The following APBB2 variants were observed in gnomAD, a reference collection of about 807,000 sequenced individuals.
The protein encoded by APBB2 is amyloid beta precursor protein binding family B member 2.
Under a neutral mutation model 82.5 loss-of-function variants are expected in APBB2, and 38 were observed. The observed-to-expected ratio is 0.46, with a 90% confidence interval of 0.36 to 0.60. The LOEUF is 0.60. APBB2 is among the 20% of genes least tolerant of loss of function. The probability of loss-of-function intolerance (pLI) is 0.00; values close to 1 mark genes in which losing one functional copy is unlikely to be tolerated. For synonymous variants in APBB2, 341 were observed against 368.2 expected (o/e 0.93, Z 0.85); for missense variants, 772 against 972.3 (o/e 0.79, Z 2.74).
At chr4:40,880,407 GTGTA>G in intron 12 of APBB2, 1 of 985,438 alleles carries the variant, frequency 1.0e-6, no homozygotes, top group Non-Finnish European at 1.2e-6. Flanking sequence ...GTGACAACTC[GTGTA>G]TGAAAAGTGG....
chr4:40,950,337 G>A (rs971963438), intron 6 of APBB2, among the ~76,000 whole-genome samples: 2 of 152,092 alleles, frequency 1.3e-5, no homozygotes, highest in East Asian at 1.9e-4. Context: ...TTCCACACTC[G>A]GTATGTGCAC....
chr4:40,901,862 G>A (rs950638111), intron 10 of APBB2, among the ~76,000 whole-genome samples: 2 of 151,542 alleles, frequency 1.3e-5, no homozygotes, highest in African/African-American at 4.9e-5. Context: ...GAGATCCATG[G>A]ATGAGCTTCA....
chr4:41,000,997 G>T (rs1805066824), intron 6 of APBB2, among the ~76,000 whole-genome samples: 1 of 152,224 alleles, frequency 6.6e-6, no homozygotes, highest in South Asian at 2.1e-4. Flanking sequence ...TTTGTCCACA[G>T]AGAGCAAGGG....
At chr4:41,155,619 C>A (rs923392743) in intron 1 of APBB2, among the ~76,000 whole-genome samples, 4 of 152,220 alleles carry the variant, frequency 2.6e-5, no homozygotes, top group Non-Finnish European at 5.9e-5. Context: ...ACAGACTACT[C>A]AGACAGACGA....
intron 6 of APBB2, among the ~76,000 whole-genome samples, chr4:40,954,305 C>T (rs73152307): frequency 0.081 from 12,328 of 152,214 alleles, 547 homozygotes; most frequent in Middle Eastern, 0.14. Flanking sequence ...AGATTTCCCT[C>T]GGGTCCTTAG....
At chr4:40,851,734 ATATATT>A (rs1418494504) in intron 12 of APBB2, among the ~76,000 whole-genome samples, 1 of 61,032 alleles carries the variant, frequency 1.6e-5, no homozygotes, top group South Asian at 7.1e-4. Flanking sequence ...ATATATATAT[ATATATT>A]TTTTTTTTTT....
chr4:40,827,237 C>A lies in APBB2; in HGVS notation c.1645-18G>T. 1.2e-6 allele frequency: 2 copies of A among 1,612,674 alleles called. No homozygotes were observed. Among genetic ancestry groups the A allele is most frequent in the Non-Finnish European group, 1.7e-6 (2 of 1,178,730 alleles). Reference sequence around the variant, plus strand: ...GCCATAATCTAAGGGGGAAAAAGTGCAGCTTTGGAGCGTGGGTTCAAGCCC... The same window carrying A: ...GCCATAATCTAAGGGGGAAAAAGTGAAGCTTTGGAGCGTGGGTTCAAGCCC... On this transcript the variant is annotated intron_variant, in intron 13 of 17. Coordinates refer to ENST00000508593, the MANE Select transcript of APBB2 (RefSeq NM_004307.2).
intron 5 of APBB2, among the ~76,000 whole-genome samples, chr4:41,026,589 G>A (rs1192368332): frequency 6.6e-6 from 1 of 152,180 alleles, no homozygotes; most frequent in African/African-American, 2.4e-5. Context: ...ATCATATAAT[G>A]AGATCTTTTG....
intron 4 of APBB2, among the ~76,000 whole-genome samples, chr4:41,034,393 C>T (rs1052950351): frequency 2.0e-5 from 3 of 152,192 alleles, no homozygotes; most frequent in African/African-American, 7.2e-5. Flanking sequence ...AGCGCAATCT[C>T]GGTTCACTGC....
chr4:40,960,937 TG>T (rs1310882875), intron 6 of APBB2, among the ~76,000 whole-genome samples: 12 of 149,738 alleles, frequency 8.0e-5, no homozygotes, highest in African/African-American at 2.7e-4. Context: ...AAGGACTGTA[TG>T]GCAATTTCCA....
intron 10 of APBB2, among the ~76,000 whole-genome samples, chr4:40,916,039 C>T (rs553825450): frequency 5.1e-4 from 77 of 152,238 alleles, no homozygotes; most frequent in Non-Finnish European, 9.3e-4. Flanking sequence ...CCGACTGGAA[C>T]TCAGTGTGTA....
rs1744566444 is a variant in APBB2 at position 40,812,275 on chromosome 4, CTAAGA to C, written c.*3812_*3816del. ...CTATTTCTATTCCTTGTATATGTGA[CTAAGA>C]TGTCAGATAAATGAGCCGAACGTTT... On this transcript the variant is annotated 3_prime_UTR_variant, in exon 18 of 18. Transcript: ENST00000508593. 1 of 152,196 alleles carries C rather than the reference CTAAGA, an allele frequency of 6.6e-6. No homozygotes were observed. 9.4% of individuals were successfully genotyped at this position (152,196 alleles called of 1,614,324 possible).
chr4:41,082,546 G>T (rs1738027630), intron 3 of APBB2, among the ~76,000 whole-genome samples: 1 of 151,206 alleles, frequency 6.6e-6, no homozygotes, highest in Non-Finnish European at 1.5e-5. Flanking sequence ...CAGTTCAGGA[G>T]GCTTCTACAA....
At chr4:41,148,907 T>C (rs372261993) in intron 1 of APBB2, among the ~76,000 whole-genome samples, 3 of 152,150 alleles carry the variant, frequency 2.0e-5, no homozygotes, top group East Asian at 3.9e-4. Flanking sequence ...ATAAAATACA[T>C]ATAGGAAATA....
intron 12 of APBB2, among the ~76,000 whole-genome samples, chr4:40,882,444 A>G (rs1768908105): frequency 6.6e-6 from 1 of 152,202 alleles, no homozygotes; most frequent in Admixed American, 6.5e-5. Flanking sequence ...CTGTGCTGGA[A>G]TCTCTGAAGA....
At chr4:40,990,236 A>C (rs953543670) in intron 6 of APBB2, 7 of 152,130 alleles carry the variant, frequency 4.6e-5, no homozygotes, top group Admixed American at 1.3e-4. Flanking sequence ...TAGAACTTGG[A>C]TGGGAGACCA....
At chr4:40,843,859 T>C (rs1226477893) in intron 12 of APBB2, among the ~76,000 whole-genome samples, 3 of 152,210 alleles carry the variant, frequency 2.0e-5, no homozygotes, top group Admixed American at 6.5e-5. Flanking sequence ...ACACAGCTAC[T>C]ACATGGGGAA....
intron 5 of APBB2, among the ~76,000 whole-genome samples, chr4:41,029,340 A>G (rs1224706636): frequency 1.3e-5 from 2 of 152,240 alleles, no homozygotes; most frequent in Admixed American, 6.5e-5. Flanking sequence ...CAAAAATGAT[A>G]AGAACTCTGT....
chr4:40,933,996 A>G (rs959896165), intron 10 of APBB2, among the ~76,000 whole-genome samples: 2 of 152,304 alleles, frequency 1.3e-5, no homozygotes, highest in African/African-American at 4.8e-5. Flanking sequence ...CCAGTTTTCC[A>G]TCATAAAACC....
Sources: allele counts gnomAD v4.1 joint callset (sites outside exome capture counted in the v4.1 genomes callset), GRCh38; gene constraint gnomAD v4.1.1; transcripts MANE v1.5; gene names NCBI Gene and HGNC (gene_info 2026-07-23, HGNC 2026-07-21).